Variants in SYNPR observed in about 807,000 individuals in gnomAD.
The protein encoded by SYNPR is synaptoporin.
SYNPR carries 23 observed loss-of-function variants against 32.9 expected under a neutral mutation model. The observed-to-expected ratio is 0.70, with a 90% CI of 0.50 to 0.99. The LOEUF is 0.99. Ranked by LOEUF, SYNPR falls within the 50% of genes least tolerant of loss-of-function variation. SYNPR has a pLI of 0.00. For synonymous variants in SYNPR, 146 were observed against 135.9 expected (o/e 1.07, Z -0.52); for missense variants, 318 against 349.3 (o/e 0.91, Z 0.71).
intron 5 of SYNPR, among the ~76,000 whole-genome samples, chr3:63,614,400 G>A (rs796629156): frequency 5.5e-4 from 84 of 152,150 alleles, no homozygotes; most frequent in African/African-American, 2.0e-3. Context: ...GAGGCCCTGG[G>A]GAGGCGACAC....
At position 63,609,623 on chromosome 3, in the gene SYNPR, T is replaced by C. The variant is rs536243941; in HGVS notation, c.600+307T>C. Among the ~76,000 whole-genome samples the C allele has an allele frequency of 1.0e-3, 152 of 152,284 alleles. 1 individual carries two copies. Among genetic ancestry groups the C allele is most frequent in the South Asian group, 5.4e-3 (26 of 4,822 alleles). ...CAGAAGCAAATATAAAATCTGAACT[T>C]TGGCCGGACGCAATGGCTCACGCCT... On this transcript the variant is annotated intron_variant, in intron 5 of 5. Transcript: ENST00000478300.
At chr3:63,304,345 T>C (rs2086886636) in intron 2 of SYNPR, among the ~76,000 whole-genome samples, 1 of 135,820 alleles carries the variant, frequency 7.4e-6, no homozygotes, top group South Asian at 2.6e-4. Flanking sequence ...AAAGAAAGTG[T>C]GTGTGTGTTT....
rs552378431 is a variant in SYNPR, at chr3:63,468,194, CAAAA to C, written c.85-12621_85-12618del. On this transcript the variant is annotated intron_variant, in intron 2 of 5. Coordinates refer to ENST00000478300, the MANE Select transcript of SYNPR (RefSeq NM_001130003.2). ...GGGCAACAAGAGCAAAACTCCATCT[CAAAA>C]AAAAAAAAAAAAAAAAGAATCAGAA... Among the ~76,000 whole-genome samples, 1,167 of 80,846 alleles carry C rather than the reference CAAAA, an allele frequency of 0.014. 50 individuals carry two copies. In the East Asian group the frequency reaches 0.22, roughly 15 times the overall value. 53.0% of individuals were successfully genotyped at this position (80,846 alleles called of 152,430 possible). A position where few individuals can be genotyped will look rare whatever the true frequency, so the allele number is the denominator to read the frequency against.
At chr3:63,246,648 C>T (rs563759032) in intron 1 of SYNPR, among the ~76,000 whole-genome samples, 1 of 152,028 alleles carries the variant, frequency 6.6e-6, no homozygotes, top group South Asian at 2.1e-4. Flanking sequence ...GAGTTTAAAC[C>T]TTGTAGGTAT....
chr3:63,507,865 C>T (rs1200955280), intron 3 of SYNPR, among the ~76,000 whole-genome samples: 1 of 148,600 alleles, frequency 6.7e-6, no homozygotes, highest in African/African-American at 2.5e-5. Context: ...ACAACACTGA[C>T]CTATAGAAAC....
At chr3:63,570,297 C>T (rs1371037090) in intron 4 of SYNPR, among the ~76,000 whole-genome samples, 1 of 152,152 alleles carries the variant, frequency 6.6e-6, no homozygotes, top group Non-Finnish European at 1.5e-5. Flanking sequence ...CTCCGACCTC[C>T]AGTCTTCCAT....
the SYNPR span, among the ~76,000 whole-genome samples, chr3:63,220,564 G>T: frequency 3.3e-4 from 50 of 152,316 alleles, no homozygotes; most frequent in African/African-American, 1.2e-3. Context: ...GAGAAGACTT[G>T]CTCTTTCCTG....
chr3:63,265,061 C>T (rs181183482), intron 2 of SYNPR, among the ~76,000 whole-genome samples: 38 of 152,146 alleles, frequency 2.5e-4, no homozygotes, highest in African/African-American at 9.2e-4. Flanking sequence ...ATAGCCCTTG[C>T]TCTCTAAAAG....
chr3:63,306,633 C>T (rs1429719216), intron 2 of SYNPR, among the ~76,000 whole-genome samples: 1 of 151,948 alleles, frequency 6.6e-6, no homozygotes, highest in Admixed American at 6.6e-5. Flanking sequence ...GCAGAGAACT[C>T]AATATGCTTA....
intron 2 of SYNPR, among the ~76,000 whole-genome samples, chr3:63,336,018 C>T (rs1207913824): frequency 1.3e-5 from 2 of 151,944 alleles, no homozygotes; most frequent in African/African-American, 2.4e-5. Context: ...TCAGGTGATC[C>T]GCCTGCCTCG....
chr3:63,445,114 A>G (rs1011776805), intron 2 of SYNPR, among the ~76,000 whole-genome samples: 13 of 152,142 alleles, frequency 8.5e-5, no homozygotes, highest in Admixed American at 4.6e-4. Flanking sequence ...TATATTTTAT[A>G]TAATCATTCT....
chr3:63,254,560 G>A (rs144829033), intron 2 of SYNPR, among the ~76,000 whole-genome samples: 10 of 152,126 alleles, frequency 6.6e-5, no homozygotes, highest in Non-Finnish European at 1.0e-4. Context: ...CACTGAGTAC[G>A]TGTTAGACCA....
chr3:63,470,716 C>G (rs1700780007), intron 2 of SYNPR, among the ~76,000 whole-genome samples: 1 of 152,168 alleles, frequency 6.6e-6, no homozygotes, highest in Admixed American at 6.5e-5. Flanking sequence ...TTGCCCACCT[C>G]CCCTATAAGA....
intron 2 of SYNPR, among the ~76,000 whole-genome samples, chr3:63,332,211 T>C (rs1293968601): frequency 6.6e-6 from 1 of 152,156 alleles, no homozygotes; most frequent in East Asian, 1.9e-4. Flanking sequence ...TGGGCTTGGC[T>C]TTCTCTTCTT....
intron 2 of SYNPR, among the ~76,000 whole-genome samples, chr3:63,255,169 T>TG (rs141092205): frequency 0.015 from 2,238 of 152,196 alleles, 54 homozygotes; most frequent in Non-Finnish European, 0.018. Context: ...AAAATTCTCC[T>TG]GGGGAGGCGG....
intron 2 of SYNPR, among the ~76,000 whole-genome samples, chr3:63,411,722 T>G (rs1449268415): frequency 2.0e-5 from 3 of 152,076 alleles, no homozygotes; most frequent in Non-Finnish European, 4.4e-5. Context: ...GCAAAGCTGA[T>G]GAACTTGAAG....
intron 4 of SYNPR, among the ~76,000 whole-genome samples, chr3:63,595,246 T>A (rs577758830): frequency 1.3e-4 from 20 of 152,062 alleles, no homozygotes; most frequent in Admixed American, 1.3e-3. Flanking sequence ...CATTTGCACA[T>A]GATTAGAGAC....
intron 1 of SYNPR, among the ~76,000 whole-genome samples, chr3:63,242,209 A>G (rs2086254150): frequency 6.6e-6 from 1 of 152,142 alleles, no homozygotes; most frequent in African/African-American, 2.4e-5. Flanking sequence ...CTCAAAAATC[A>G]AAGACATGAG....
At chr3:63,316,407 T>TA (rs2087043908) in intron 2 of SYNPR, among the ~76,000 whole-genome samples, 1 of 152,048 alleles carries the variant, frequency 6.6e-6, no homozygotes, top group African/African-American at 2.4e-5. Flanking sequence ...CATTTCAATT[T>TA]AAATGCTTGT....
Sources: gnomAD v4.1 joint callset for allele counts (sites outside exome capture counted in the v4.1 genomes callset) on GRCh38, gnomAD v4.1.1 for gene constraint, MANE v1.5 for transcripts, NCBI Gene and HGNC (gene_info 2026-07-23, HGNC 2026-07-21) for gene names.